Variants in C11orf58 observed in about 807,000 individuals in gnomAD.
C11orf58 encodes the protein small acidic protein.
C11orf58 carries 5 observed loss-of-function variants against 22.7 expected under a neutral mutation model. The observed-to-expected ratio is 0.22, with a 90% CI of 0.12 to 0.46. C11orf58 has a LOEUF of 0.46. Ranked by LOEUF, C11orf58 falls within the 20% of genes least tolerant of loss-of-function variation. C11orf58 has a pLI of 0.99. For missense variants in C11orf58, 151 were observed against 223.3 expected (o/e 0.68, Z 2.06); for synonymous variants, 71 against 70.7 (o/e 1.00, Z -0.02).
In C11orf58 at chr11:16,755,690, TATG is replaced by T. The variant is rs1848571450; in HGVS notation, c.*589_*591del. The T allele has an allele frequency of 1.3e-5, 2 of 152,796 alleles. No individual in the cohort carries two copies. The highest frequency in any genetic ancestry group is 1.3e-4 in the Admixed American group (2 of 15,302). 9.5% of individuals were successfully genotyped at this position (152,796 alleles called of 1,614,324 possible). On this transcript the variant is annotated 3_prime_UTR_variant, in exon 5 of 5. Transcript: ENST00000228136. ...TATAACTGTCATACATTTGGAATAT[TATG>T]ATCCCAAGTAGTCTTTTTATAATTT...
intron 1 of C11orf58, among the ~76,000 whole-genome samples, chr11:16,740,812 G>A (rs1848441376): frequency 6.6e-6 from 1 of 150,738 alleles, no homozygotes; most frequent in African/African-American, 2.4e-5. Flanking sequence ...AAAACTAGCA[G>A]GCCGGGCGCG....
intron 2 of C11orf58, 73 bp from the exon 3 acceptor site, chr11:16,748,024 C>T: frequency 1.7e-6 from 2 of 1,158,840 alleles, no homozygotes; most frequent in Non-Finnish European, 1.3e-6. Flanking sequence ...GAATAGTTTT[C>T]AGCACATAGT....
chr11:16,752,869 G>A lies in C11orf58; in HGVS notation c.293G>A (p.Arg98Gln), dbSNP rs1198004760. Reference protein sequence around the residue: ...MDSKLSGRYRRHCGLGFSEVE... With the variant: ...MDSKLSGRYRQHCGLGFSEVE... ...AGTAAATTATCAGGAAGATATCGGC[G>A]ACATTGTGGACTTGGCTTCAGTGAG... The change falls in exon 4 of 5, where the codon CGA becomes CAA. Residue 98 changes from arginine to glutamine, a missense_variant. Arg to Gln is a conservative substitution (Grantham distance 43). Around this residue, in one of 3 missense-constraint regions of C11orf58, gnomAD observed 112 missense variants for 162.6 expected, o/e 0.69. Transcript: ENST00000228136. 11 of 1,610,098 alleles carry A rather than the reference G, an allele frequency of 6.8e-6. No individual in the cohort carries two copies. Among genetic ancestry groups the A allele is most frequent in the Non-Finnish European group, 9.3e-6 (11 of 1,178,340 alleles).
At chr11:16,754,774 G>A in intron 4 of C11orf58, 97 bp from the exon 5 acceptor site, 7 of 1,537,814 alleles carry the variant, frequency 4.6e-6, no homozygotes, top group Non-Finnish European at 6.1e-6. Flanking sequence ...TGGCTACAAA[G>A]TAGAGTGTTT....
At chr11:16,753,762 G>A (rs898021035) in intron 4 of C11orf58, 2 of 398,462 alleles carry the variant, frequency 5.0e-6, no homozygotes, top group Non-Finnish European at 8.8e-6. Flanking sequence ...TTTGAGACAG[G>A]TTCTCACTCT....
chr11:16,748,334 G>C (rs1848503888), intron 3 of C11orf58, 177 bp downstream of exon 3: 2 of 509,952 alleles, frequency 3.9e-6, no homozygotes, highest in Non-Finnish European at 7.0e-6. Context: ...AGGTTAAAGT[G>C]GGAGGATCAC....
At chr11:16,741,135 G>A (rs923363814) in intron 1 of C11orf58, among the ~76,000 whole-genome samples, 4 of 151,988 alleles carry the variant, frequency 2.6e-5, no homozygotes, top group Non-Finnish European at 1.5e-5. Flanking sequence ...TATATAGTTG[G>A]GAAACAGTTT....
rs1340393609 is a variant in C11orf58 at position 16,755,444 on chromosome 11, T to C, written c.*340T>C. The C allele has an allele frequency of 2.3e-5, 4 of 174,268 alleles. No homozygotes were observed. The highest frequency in any genetic ancestry group is 5.8e-5 in the Admixed American group (1 of 17,346). 10.8% of individuals were successfully genotyped at this position (174,268 alleles called of 1,614,324 possible). A position where few individuals can be genotyped will look rare whatever the true frequency, so the allele number is the denominator to read the frequency against. On this transcript the variant is annotated 3_prime_UTR_variant, in exon 5 of 5. Transcript: ENST00000228136. Reference sequence around the variant, plus strand: ...TCATTTCCTTCATATTTTTCTCTTATAAAAATGTATTTGATACTGTGATAT... The same window carrying C: ...TCATTTCCTTCATATTTTTCTCTTACAAAAATGTATTTGATACTGTGATAT...
rs1848573302 is a variant in C11orf58, at chr11:16,755,907, C to T, written c.*803C>T. Reference sequence around the variant, plus strand: ...AGTTTCCCATATTTGGCTGTGATACCTTTATCCTCATTATCTACAAATGAG... The same window carrying T: ...AGTTTCCCATATTTGGCTGTGATACTTTTATCCTCATTATCTACAAATGAG... On this transcript the variant is annotated 3_prime_UTR_variant, in exon 5 of 5. Coordinates refer to ENST00000228136, the MANE Select transcript of C11orf58 (RefSeq NM_014267.6). The T allele has an allele frequency of 6.6e-6, 1 of 152,480 alleles. No homozygotes were observed. The highest frequency in any genetic ancestry group is 1.5e-5 in the Non-Finnish European group (1 of 68,012). 9.4% of individuals were successfully genotyped at this position (152,480 alleles called of 1,614,324 possible). A position where few individuals can be genotyped will look rare whatever the true frequency, so the allele number is the denominator to read the frequency against.
intron 2 of C11orf58, among the ~76,000 whole-genome samples, chr11:16,745,314 G>T (rs987641612): frequency 1.3e-5 from 2 of 152,108 alleles, no homozygotes; most frequent in Non-Finnish European, 2.9e-5. Flanking sequence ...GGGGTTAGGG[G>T]TGCTGGTTCT....
Position 16,756,979 on chromosome 11 carries a change from G to A in C11orf58, c.*1875G>A, listed in dbSNP as rs1183714004. On this transcript the variant is annotated 3_prime_UTR_variant, in exon 5 of 5. Transcript: ENST00000228136. ...CAAGTAGAACAGGTGATTTCTGGTT[G>A]ATAGACTCTATCTTGCAGTATATTT... 6.6e-6 allele frequency: 1 copy of A among 150,626 alleles called. No homozygotes were observed. The highest frequency in any genetic ancestry group is 1.5e-5 in the Non-Finnish European group (1 of 67,774). The allele number at this position is 150,626 out of a possible 1,614,324, so 9.3% of individuals were successfully genotyped here.
intron 1 of C11orf58, chr11:16,739,362 C>T (rs1044797234): frequency 1.3e-5 from 2 of 157,078 alleles, no homozygotes; most frequent in African/African-American, 4.8e-5. Flanking sequence ...AATTGTGCCA[C>T]GGGTGTAATT....
intron 1 of C11orf58, among the ~76,000 whole-genome samples, chr11:16,743,441 A>T (rs1167075177): frequency 6.6e-6 from 1 of 151,940 alleles, no homozygotes; most frequent in Non-Finnish European, 1.5e-5. Flanking sequence ...TGGGTGGGAG[A>T]AAAGCCTTCT....
intron 1 of C11orf58, among the ~76,000 whole-genome samples, chr11:16,742,577 G>T (rs537464373): frequency 3.7e-4 from 56 of 152,252 alleles, no homozygotes; most frequent in Admixed American, 2.0e-3. Context: ...AATTATGAGA[G>T]CATATAAGCC....
chr11:16,749,818 A>G (rs193088663), intron 3 of C11orf58: 1 of 152,192 alleles, frequency 6.6e-6, no homozygotes, highest in Non-Finnish European at 1.5e-5. Context: ...TAATCAATCA[A>G]CTGCTTGCAG....
chr11:16,748,418 G>C lies in C11orf58; in HGVS notation c.208+261G>C, dbSNP rs1027588661. 11 of 237,446 alleles carry C rather than the reference G, an allele frequency of 4.6e-5. No homozygotes were observed. The Admixed American group carries it at 4.9e-4, about 11-fold the overall frequency. 14.7% of individuals were successfully genotyped at this position (237,446 alleles called of 1,614,324 possible). ...CATTCCAGCCTGGGCTACAGAGCAA[G>C]ACCTCATCTCTTAAATTTAAAAAAA... is the stretch of plus-strand genomic sequence containing the variant. On this transcript the variant is annotated intron_variant, in intron 3 of 4. Transcript: ENST00000228136.
chr11:16,752,222 A>C (rs980221338), intron 3 of C11orf58: 3 of 156,056 alleles, frequency 1.9e-5, no homozygotes, highest in Admixed American at 1.3e-4. Flanking sequence ...GATAATAATA[A>C]AGTACACAAT....
chr11:16,752,865 C>A lies in C11orf58; in HGVS notation c.289C>A (p.Arg97=), dbSNP rs186752053. Residue 97 remains arginine (R), a synonymous_variant, in exon 4 of 5, where the codon CGG becomes AGG. Coordinates refer to ENST00000228136, the MANE Select transcript of C11orf58 (RefSeq NM_014267.6). ...GGACAGTAAATTATCAGGAAGATATCGGCGACATTGTGGACTTGGCTTCAG... is the reference window on the plus strand; with the variant it reads ...GGACAGTAAATTATCAGGAAGATATAGGCGACATTGTGGACTTGGCTTCAG... The part of the protein sequence containing the change: ...SMDSKLSGRY[R]RHCGLGFSEV... 1.2e-6 allele frequency: 2 copies of A among 1,610,734 alleles called. No individual in the cohort carries two copies. Among genetic ancestry groups the A allele is most frequent in the Admixed American group, 1.7e-5 (1 of 59,492 alleles).
chr11:16,741,558 A>G (rs1468077289), intron 1 of C11orf58, among the ~76,000 whole-genome samples: 1 of 152,226 alleles, frequency 6.6e-6, no homozygotes. Flanking sequence ...ACTTTAAGGC[A>G]GGGCTCTCCA....
Sources: gnomAD v4.1 joint callset for allele counts (sites outside exome capture counted in the v4.1 genomes callset) on GRCh38, gnomAD v4.1.1 for gene constraint, gnomAD v4.1.1 regional missense constraint, MANE v1.5 for transcripts, NCBI Gene and HGNC (gene_info 2026-07-23, HGNC 2026-07-21) for gene names.